The following RGS6 variants were observed in gnomAD, a reference collection of about 807,000 sequenced individuals.
RGS6 encodes the protein regulator of G protein signaling 6.
Under a neutral mutation model 78.5 loss-of-function variants are expected in RGS6, and 30 were observed. That is an observed-to-expected ratio of 0.38 (90% CI 0.29 to 0.52). The LOEUF (loss-of-function observed/expected upper bound fraction) is 0.52. Among genes scored for constraint, RGS6 ranks in the 20% least tolerant of loss-of-function variants. The pLI is 0.85. For missense variants in RGS6, 495 were observed against 609.7 expected (o/e 0.81, Z 1.98); for synonymous variants, 206 against 206.0 (o/e 1.00, Z 0.00).
rs546798611 is a variant in RGS6, at chr14:72,100,430, G to C, written c.84+135555G>C. On this transcript the variant is annotated intron_variant, in intron 2 of 17. Transcript: ENST00000553525. ...GAATCGCTTGAACCTGGGAGGCAGA[G>C]GTTACAGTGAGCCAAGATTGCACGA... 2.6e-5 allele frequency among the ~76,000 whole-genome samples: 4 copies of C among 152,264 alleles called. No individual in the cohort carries two copies. The South Asian group carries it at 8.3e-4, about 32-fold the overall frequency.
intron 2 of RGS6, among the ~76,000 whole-genome samples, chr14:72,119,423 T>C (rs914548726): frequency 1.1e-4 from 16 of 152,178 alleles, no homozygotes; most frequent in Admixed American, 2.0e-4. Flanking sequence ...GTGGTAGTTT[T>C]GTTGGGGGCA....
intron 3 of RGS6, among the ~76,000 whole-genome samples, chr14:72,402,988 G>C (rs138211471): frequency 2.6e-5 from 4 of 151,610 alleles, no homozygotes; most frequent in Admixed American, 2.6e-4. Context: ...ATGGGGTTTC[G>C]CCATGTTAGC....
chr14:71,960,300 C>T (rs1285306919), intron 1 of RGS6, among the ~76,000 whole-genome samples: 1 of 152,170 alleles, frequency 6.6e-6, no homozygotes, highest in African/African-American at 2.4e-5. Flanking sequence ...TTATGAATTC[C>T]AGAAGTGGAT....
At chr14:72,427,123 T>C (rs2094461533) in intron 3 of RGS6, among the ~76,000 whole-genome samples, 1 of 152,152 alleles carries the variant, frequency 6.6e-6, no homozygotes, top group South Asian at 2.1e-4. Context: ...AGGTTCAAGG[T>C]TTACTTTCTG....
intron 2 of RGS6, among the ~76,000 whole-genome samples, chr14:71,977,888 C>T (rs1230335042): frequency 3.9e-5 from 6 of 152,142 alleles, no homozygotes; most frequent in South Asian, 2.1e-4. Flanking sequence ...ATTCTCCCTA[C>T]CCATGAGCAT....
intron 3 of RGS6, among the ~76,000 whole-genome samples, chr14:72,361,061 G>A (rs530719371): frequency 1.4e-5 from 2 of 147,444 alleles, no homozygotes; most frequent in African/African-American, 5.1e-5. Context: ...TAGCCATACG[G>A]AACTGTGATT....
At chr14:72,591,212 T>C in the RGS6 span, among the ~76,000 whole-genome samples, 1 of 152,138 alleles carries the variant, frequency 6.6e-6, no homozygotes, top group African/African-American at 2.4e-5. Context: ...ACCCGTTATA[T>C]AAAGAAGCAA....
the RGS6 span, among the ~76,000 whole-genome samples, chr14:72,577,513 T>TC: frequency 6.6e-6 from 1 of 152,208 alleles, no homozygotes; most frequent in Admixed American, 6.5e-5. Context: ...TGAGTCCAGT[T>TC]CCAGTTCTTA....
chr14:71,951,925 TTGAG>T lies in RGS6; in HGVS notation c.-20-12845_-20-12842del, dbSNP rs2092358924. Among the ~76,000 whole-genome samples, 3 of 152,268 alleles carry T rather than the reference TTGAG, an allele frequency of 2.0e-5. No homozygotes were observed. The South Asian group carries it at 6.2e-4, about 32-fold the overall frequency. ...TGTTGCTGATATACAAAAAATACAA[TTGAG>T]TTTTATATATTGACCTTGTATTCAT... On this transcript the variant is annotated intron_variant, in intron 1 of 17. Transcript: ENST00000553525.
intron 3 of RGS6, among the ~76,000 whole-genome samples, chr14:72,429,357 C>T (rs2094541189): frequency 6.6e-6 from 1 of 152,096 alleles, no homozygotes; most frequent in Non-Finnish European, 1.5e-5. Flanking sequence ...TGTTGAGGGC[C>T]CCAGGTATAT....
intron 3 of RGS6, among the ~76,000 whole-genome samples, chr14:72,419,728 G>A (rs935910917): frequency 3.9e-5 from 6 of 152,146 alleles, no homozygotes; most frequent in Non-Finnish European, 5.9e-5. Flanking sequence ...AGAGAAAAGG[G>A]CAGGTGCTGA....
At chr14:72,145,552 T>C (rs544155159) in intron 2 of RGS6, among the ~76,000 whole-genome samples, 74 of 152,268 alleles carry the variant, frequency 4.9e-4, no homozygotes, top group African/African-American at 1.3e-3. Flanking sequence ...CATCTCAGCT[T>C]ACTGCAACCT....
chr14:72,027,042 G>A (rs1271371600), intron 2 of RGS6, among the ~76,000 whole-genome samples: 1 of 152,124 alleles, frequency 6.6e-6, no homozygotes, highest in Non-Finnish European at 1.5e-5. Context: ...TCTTAAGGTA[G>A]GAGAGGATGC....
At chr14:72,117,464 C>T (rs1311548183) in intron 2 of RGS6, among the ~76,000 whole-genome samples, 1 of 152,052 alleles carries the variant, frequency 6.6e-6, no homozygotes, top group Admixed American at 6.5e-5. Context: ...ATGATTGTAG[C>T]TTCCTGAGGC....
At chr14:72,329,066 G>A (rs375590147) in intron 2 of RGS6, among the ~76,000 whole-genome samples, 8 of 152,202 alleles carry the variant, frequency 5.3e-5, no homozygotes, top group Non-Finnish European at 7.4e-5. Flanking sequence ...TAGAGATGGC[G>A]TTTCACCATG....
At chr14:72,144,867 C>T (rs2096587487) in intron 2 of RGS6, among the ~76,000 whole-genome samples, 1 of 151,844 alleles carries the variant, frequency 6.6e-6, no homozygotes, top group South Asian at 2.1e-4. Flanking sequence ...TCACACAGAG[C>T]CAGCTGTGCA....
chr14:72,619,214 T>C, the RGS6 span: 1 of 1,355,284 alleles, frequency 7.4e-7, no homozygotes, highest in Admixed American at 2.1e-5. Context: ...TGGCTGGATA[T>C]GTGGGAGGAG....
intron 1 of RGS6, among the ~76,000 whole-genome samples, chr14:71,937,126 T>A (rs1484874214): frequency 6.6e-6 from 1 of 152,228 alleles, no homozygotes; most frequent in Non-Finnish European, 1.5e-5. Context: ...GTAGACTGAT[T>A]TCCTCTTGAT....
chr14:72,484,860 G>A (rs1267101275), intron 12 of RGS6, among the ~76,000 whole-genome samples: 1 of 151,724 alleles, frequency 6.6e-6, no homozygotes, highest in Non-Finnish European at 1.5e-5. Flanking sequence ...CTATTTAATG[G>A]CATAGTAGGC....
Sources: allele counts gnomAD v4.1 joint callset (sites outside exome capture counted in the v4.1 genomes callset), GRCh38; gene constraint gnomAD v4.1.1; transcripts MANE v1.5; gene names NCBI Gene and HGNC (gene_info 2026-07-23, HGNC 2026-07-21).